Variants in ASPSCR1 observed in about 807,000 individuals in gnomAD.
ASPSCR1 encodes tether containing UBX domain for GLUT4.
In ASPSCR1, 55 loss-of-function variants were observed where a neutral mutation model predicts 68.9. The ratio of observed to expected loss-of-function variants is 0.80; its 90% CI spans 0.64 to 1.00. The LOEUF is 1.00. Among genes scored for constraint, ASPSCR1 ranks in the 50% least tolerant of loss-of-function variants. The pLI, the probability that ASPSCR1 is intolerant of heterozygous loss-of-function variation, is 0.00. For missense variants in ASPSCR1, 765 were observed against 762.2 expected (o/e 1.00, Z -0.04); for synonymous variants, 352 against 332.6 (o/e 1.06, Z -0.63).
intron 13 of ASPSCR1, 57 bp downstream of exon 13, chr17:82,016,584 C>T (rs372804527): frequency 2.0e-5 from 31 of 1,546,072 alleles, no homozygotes; most frequent in Non-Finnish European, 2.6e-5. Flanking sequence ...CCCTGGACCT[C>T]AGAGCCAGCT....
intron 7 of ASPSCR1, among the ~76,000 whole-genome samples, chr17:82,003,245 A>C (rs1457279304): frequency 1.3e-5 from 2 of 152,218 alleles, no homozygotes; most frequent in African/African-American, 2.4e-5. Context: ...TAGGGGTTTT[A>C]GACCAGCCTG....
At chr17:82,011,127 A>G (rs1261138798) in intron 10 of ASPSCR1, among the ~76,000 whole-genome samples, 1 of 152,150 alleles carries the variant, frequency 6.6e-6, no homozygotes, top group Non-Finnish European at 1.5e-5. Flanking sequence ...TCGCCCACCT[A>G]CTGGGCATGG....
At chr17:81,979,295 T>C in intron 2 of ASPSCR1, 56 bp downstream of exon 2, 1 of 1,565,734 alleles carries the variant, frequency 6.4e-7, no homozygotes. Context: ...CCCTGCCCCC[T>C]GAACATACTG....
intron 12 of ASPSCR1, chr17:82,015,717 A>G (rs908862030): frequency 6.5e-6 from 2 of 307,142 alleles, no homozygotes; most frequent in Non-Finnish European, 1.2e-5. Flanking sequence ...GTGGCGGAGC[A>G]TGCTCTCCAT....
At position 81,985,497 on chromosome 17, in the gene ASPSCR1, T is replaced by C. The variant is rs763193320; in HGVS notation, c.274-10T>C. ...TCCTAAGGAAGTTTCTCATGTCTTA[T>C]ACCCTCCAGGTTCGCATCGCTTTGC... is the stretch of plus-strand genomic sequence containing the variant. On this transcript the variant is annotated splice_polypyrimidine_tract_variant and intron_variant, in intron 3 of 15. Coordinates refer to ENST00000306739, the MANE Select transcript of ASPSCR1 (RefSeq NM_024083.4). 109 of 1,613,198 alleles carry C rather than the reference T, an allele frequency of 6.8e-5. No individual in the cohort carries two copies. Among genetic ancestry groups the C allele is most frequent in the Admixed American group, 3.2e-4 (19 of 60,006 alleles).
chr17:82,011,221 G>A (rs1166015421), intron 10 of ASPSCR1, among the ~76,000 whole-genome samples: 1 of 150,864 alleles, frequency 6.6e-6, no homozygotes, highest in African/African-American at 2.4e-5. Flanking sequence ...CTTGTGACCT[G>A]TACCCAGACG....
chr17:81,991,871 C>T (rs2042179694), intron 4 of ASPSCR1, among the ~76,000 whole-genome samples: 1 of 152,278 alleles, frequency 6.6e-6, no homozygotes, highest in African/African-American at 2.4e-5. Context: ...AGGACATGAA[C>T]ACAGAGAGCT....
Position 81,983,481 on chromosome 17 carries a change from G to C in ASPSCR1, c.159-73G>C. The C allele has an allele frequency of 8.0e-7, 1 of 1,242,478 alleles. No individual in the cohort carries two copies. Among genetic ancestry groups the C allele is most frequent in the Non-Finnish European group, 1.1e-6 (1 of 894,214 alleles). 77.0% of individuals were successfully genotyped at this position (1,242,478 alleles called of 1,614,324 possible). A position where few individuals can be genotyped will look rare whatever the true frequency, so the allele number is the denominator to read the frequency against. On this transcript the variant is annotated intron_variant, in intron 2 of 15. Transcript: ENST00000306739. The surrounding 1 kb of genome is among the most constrained non-coding windows in gnomAD (Gnocchi z 4.4). ...TGGCGGGGCGTGGATGGTGGGACGGGGATGGCGGGGCGTGGATGGCAGGGC... is the reference window on the plus strand; with the variant it reads ...TGGCGGGGCGTGGATGGTGGGACGGCGATGGCGGGGCGTGGATGGCAGGGC...
intron 12 of ASPSCR1, chr17:82,015,520 T>G: frequency 1.1e-6 from 1 of 921,946 alleles, no homozygotes; most frequent in Non-Finnish European, 1.6e-6. Context: ...TCCTGGCCTG[T>G]GGGGGCTATG....
intron 12 of ASPSCR1, chr17:82,015,091 G>A (rs764117039): frequency 2.9e-5 from 47 of 1,597,786 alleles, no homozygotes; most frequent in Middle Eastern, 1.6e-4. Flanking sequence ...CTTGGTGACC[G>A]GGTGGCTCCA....
rs1202980067 is a variant in ASPSCR1 at position 81,987,914 on chromosome 17, C to T, written c.374+2307C>T. ...GTGGCTCACACCTGTAATCGCAGCACTTTGGGAGGCTGAGGCGGGTGGATC... is the reference window on the plus strand; with the variant it reads ...GTGGCTCACACCTGTAATCGCAGCATTTTGGGAGGCTGAGGCGGGTGGATC... On this transcript the variant is annotated intron_variant, in intron 4 of 15. Coordinates refer to ENST00000306739, the MANE Select transcript of ASPSCR1 (RefSeq NM_024083.4). The surrounding 1 kb of genome is among the most constrained non-coding windows in gnomAD (Gnocchi z 5.6). Among the ~76,000 whole-genome samples the T allele has an allele frequency of 6.6e-6, 1 of 152,098 alleles. No individual in the cohort carries two copies. The highest frequency in any genetic ancestry group is 1.5e-5 in the Non-Finnish European group (1 of 68,028).
chr17:82,009,476 C>T lies in ASPSCR1; in HGVS notation c.1089-10C>T. ...ACCAGAAGCCCTGTTCCTTCCCCTC[C>T]TCACCACAGGAAGCGCCTGGAAGAA... On this transcript the variant is annotated splice_polypyrimidine_tract_variant and intron_variant, in intron 8 of 15. Transcript: ENST00000306739. 6.4e-7 allele frequency: 1 copy of T among 1,570,262 alleles called. No homozygotes were observed. Among genetic ancestry groups the T allele is most frequent in the Non-Finnish European group, 8.6e-7 (1 of 1,157,706 alleles).
chr17:81,988,583 G>A, intron 4 of ASPSCR1, among the ~76,000 whole-genome samples: 1 of 152,218 alleles, frequency 6.6e-6, no homozygotes, highest in East Asian at 1.9e-4. Context: ...GTGTGGCAGT[G>A]TGGGTCTGTC....
chr17:81,985,670 C>T, intron 4 of ASPSCR1, 63 bp downstream of exon 4: 2 of 1,529,626 alleles, frequency 1.3e-6, no homozygotes, highest in Non-Finnish European at 1.8e-6. Flanking sequence ...GCTGTGGTTA[C>T]TGGGTCTGGT....
At chr17:82,004,654 C>T (rs1195505263) in intron 7 of ASPSCR1, 1 of 152,178 alleles carries the variant, frequency 6.6e-6, no homozygotes, top group African/African-American at 2.4e-5. Flanking sequence ...GCATTTTGAG[C>T]TTCTGGGGAG....
chr17:81,984,153 G>A (rs2041886692), intron 3 of ASPSCR1, among the ~76,000 whole-genome samples: 1 of 152,060 alleles, frequency 6.6e-6, no homozygotes, highest in African/African-American at 2.4e-5. Flanking sequence ...TCTGCGCCCC[G>A]CCCACGTCAT....
Position 81,983,309 on chromosome 17 carries a change from C to T in ASPSCR1, c.159-245C>T, listed in dbSNP as rs2041855750. Among the ~76,000 whole-genome samples the T allele has an allele frequency of 1.3e-5, 2 of 152,178 alleles. No individual in the cohort carries two copies. Among genetic ancestry groups the T allele is most frequent in the South Asian group, 2.1e-4 (1 of 4,834 alleles). On this transcript the variant is annotated intron_variant, in intron 2 of 15. Coordinates refer to ENST00000306739, the MANE Select transcript of ASPSCR1 (RefSeq NM_024083.4). This position sits in a 1 kb window ranked among gnomAD's most constrained non-coding sequence, Gnocchi z 4.4. ...GACTCTGAAGGAGCAGCCCCCTCGG[C>T]GTGCACCGAGGCCCACATCTCCCTT... is the stretch of plus-strand genomic sequence containing the variant.
chr17:82,017,105 A>C lies in ASPSCR1; in HGVS notation c.1640A>C (p.Lys547Thr). ...RSLGKVPKWL[K>T]LPASKR ...CTGGGCAAGGTGCCCAAGTGGCTGAAGCTGCCGGGTACTGCGGCTGGGTGG... is the reference window on the plus strand; with the variant it reads ...CTGGGCAAGGTGCCCAAGTGGCTGACGCTGCCGGGTACTGCGGCTGGGTGG... The change falls in exon 15 of 16, where the codon AAG becomes ACG. Residue 547 changes from lysine to threonine, a missense_variant. Physicochemically the swap from Lys to Thr is moderately conservative, Grantham distance 78 (BLOSUM62 -1). Transcript: ENST00000306739. The C allele has an allele frequency of 5.0e-6, 8 of 1,596,628 alleles. No individual in the cohort carries two copies. Among genetic ancestry groups the C allele is most frequent in the Non-Finnish European group, 6.8e-6 (8 of 1,173,302 alleles).
chr17:81,996,007 G>T lies in ASPSCR1; in HGVS notation c.448G>T (p.Ala150Ser). Residue 150 changes from alanine (A) to serine (S), a missense_variant, in exon 6 of 16, where the codon GCC becomes TCC. Transcript: ENST00000306739. Reference protein sequence around the residue: ...YTRDEVTGEAALRGTTLQSLG... With the variant: ...YTRDEVTGEASLRGTTLQSLG... ...CCTCCTGCAGGTGACGGGTGAAGCT[G>T]CCCTGCGGGGCACGACGCTGCAGTC... 1 of 1,610,224 alleles carries T rather than the reference G, an allele frequency of 6.2e-7. No individual in the cohort carries two copies. The highest frequency in any genetic ancestry group is 1.1e-5 in the South Asian group (1 of 90,382).
Sources: gnomAD v4.1 joint callset for allele counts (sites outside exome capture counted in the v4.1 genomes callset) on GRCh38, gnomAD v4.1.1 for gene constraint, Gnocchi (gnomAD v3.1) non-coding constraint, MANE v1.5 for transcripts, NCBI Gene and HGNC (gene_info 2026-07-23, HGNC 2026-07-21) for gene names.